Variants in EIF4B observed in about 807,000 individuals in gnomAD.
The protein encoded by EIF4B is eukaryotic translation initiation factor 4B.
EIF4B carries 8 observed loss-of-function variants against 79.3 expected under a neutral mutation model. The observed-to-expected ratio is 0.10, with a 90% confidence interval of 0.06 to 0.18. The LOEUF (loss-of-function observed/expected upper bound fraction) is 0.18, where lower values mean the gene tolerates loss of function less well. Ranked by LOEUF, EIF4B falls within the 10% of genes least tolerant of loss-of-function variation. The probability of loss-of-function intolerance (pLI) is 1.00; values close to 1 mark genes in which losing one functional copy is unlikely to be tolerated. For synonymous variants in EIF4B, 238 were observed against 274.7 expected, an observed-to-expected ratio of 0.87 and a Z score of 1.32; for missense variants, 515 against 792.4, an observed-to-expected ratio of 0.65 and a Z score of 4.20.
chr12:53,039,727 T>A, intron 14 of EIF4B, 25 bp downstream of exon 14: 1 of 1,600,368 alleles, frequency 6.2e-7, no homozygotes, highest in Non-Finnish European at 8.5e-7. Flanking sequence ...CTGCTCCCAA[T>A]TTTTCATTCT....
chr12:53,027,137 A>ATTTTTTTTTTTTTTTTTTTTTTTTT (rs71095967), intron 6 of EIF4B, among the ~76,000 whole-genome samples: 1 of 25,722 alleles, frequency 3.9e-5, no homozygotes, highest in African/African-American at 8.2e-5. Flanking sequence ...AAAAAAAAAA[A>ATTTTTTTTTTTTTTTTTTTTTTTTT]TTTTTTTTTT....
intron 8 of EIF4B, 135 bp from the exon 9 acceptor site, chr12:53,033,671 C>T: frequency 4.2e-6 from 4 of 946,210 alleles, no homozygotes; most frequent in Non-Finnish European, 4.7e-6. Flanking sequence ...GATCTATTTG[C>T]CTTCTGTGGA....
chr12:53,037,713 T>C, intron 11 of EIF4B, 91 bp downstream of exon 11: 1 of 1,353,536 alleles, frequency 7.4e-7, no homozygotes, highest in Non-Finnish European at 1.0e-6. Context: ...ATGCCAGCGT[T>C]GTATAGCACC....
chr12:53,038,471 A>G, intron 12 of EIF4B, 60 bp downstream of exon 12: 1 of 1,502,658 alleles, frequency 6.7e-7, no homozygotes, highest in South Asian at 1.3e-5. Context: ...AAAGGCCTCC[A>G]AAATTAGATT....
In EIF4B at chr12:53,040,235, C is replaced by T. The variant is rs1423602693; in HGVS notation, c.*12C>T. ...ATTATGCCGAATAGACCTCTACATC[C>T]TGTGCTTTTCTCCTAGTTTCTCTCC... On this transcript the variant is annotated 3_prime_UTR_variant, in exon 15 of 15. Transcript: ENST00000262056. 9 of 1,605,148 alleles carry T rather than the reference C, an allele frequency of 5.6e-6. No homozygotes were observed. Among genetic ancestry groups the T allele is most frequent in the Middle Eastern group, 3.6e-4 (2 of 5,512 alleles).
At chr12:53,034,835 G>A (rs554356173) in intron 10 of EIF4B, 126 bp downstream of exon 10, 19 of 1,003,390 alleles carry the variant, frequency 1.9e-5, no homozygotes, top group South Asian at 6.0e-5. Flanking sequence ...TGCATGGGCC[G>A]ATTGGAGTTT....
intron 12 of EIF4B, 92 bp downstream of exon 12, chr12:53,038,503 A>G: frequency 7.8e-7 from 1 of 1,275,262 alleles, no homozygotes; most frequent in South Asian, 1.5e-5. Flanking sequence ...TGTGTCTCGC[A>G]CCTGATACCG....
intron 10 of EIF4B, among the ~76,000 whole-genome samples, chr12:53,037,105 A>G (rs1943552660): frequency 6.6e-6 from 1 of 152,344 alleles, no homozygotes; most frequent in East Asian, 1.9e-4. Flanking sequence ...TCACATATGT[A>G]TATTCTCCAG....
chr12:53,022,314 G>T, intron 5 of EIF4B, 179 bp from the exon 6 acceptor site: 1 of 849,652 alleles, frequency 1.2e-6, no homozygotes, highest in South Asian at 1.4e-5. Context: ...GAAAAAACGG[G>T]AGGAAAAGAG....
chr12:53,022,061 A>G (rs945367005), intron 5 of EIF4B: 5 of 654,566 alleles, frequency 7.6e-6, no homozygotes, highest in Non-Finnish European at 1.3e-5. Context: ...AGTGCTGCTG[A>G]CATAAGTAGA....
intron 10 of EIF4B, 122 bp from the exon 11 acceptor site, chr12:53,037,287 G>T: frequency 9.7e-7 from 1 of 1,034,468 alleles, no homozygotes; most frequent in South Asian, 1.6e-5. Context: ...ACTGGTTTAG[G>T]GATAAATCCA....
At chr12:53,031,203 G>GT (rs1462501172) in intron 8 of EIF4B, among the ~76,000 whole-genome samples, 1 of 152,172 alleles carries the variant, frequency 6.6e-6, no homozygotes, top group East Asian at 1.9e-4. Flanking sequence ...GACCTGTCTA[G>GT]TTTCCCCATG....
At chr12:53,040,050 T>A (rs1488103055) in intron 14 of EIF4B, 93 bp from the exon 15 acceptor site, 2 of 1,400,612 alleles carry the variant, frequency 1.4e-6, no homozygotes, top group Non-Finnish European at 2.0e-6. Flanking sequence ...CTGACTGTCA[T>A]CCCCCATTGC....
Position 53,037,502 on chromosome 12 carries a change from C to G in EIF4B, c.1400C>G (p.Pro467Arg), listed in dbSNP as rs1390065808. 3.7e-6 allele frequency: 6 copies of G among 1,613,882 alleles called. No individual in the cohort carries two copies. The highest frequency in any genetic ancestry group is 5.1e-6 in the Non-Finnish European group (6 of 1,179,818). Reference protein sequence around the residue: ...CHSPTSKPPKPDQPLKVMPAP... With the variant: ...CHSPTSKPPKRDQPLKVMPAP... ...TCTCCAACTTCTAAACCTCCCAAAC[C>G]TGATCAGCCCCTAAAGGTAATGCCA... Residue 467 changes from proline (P) to arginine (R), a missense_variant, in exon 11 of 15, where the codon CCT becomes CGT. By Grantham distance (103) the Pro-to-Arg change is moderately radical. Around this residue, in one of 6 missense-constraint regions of EIF4B, gnomAD observed 146 missense variants for 228.0 expected, o/e 0.64. Coordinates refer to ENST00000262056, the MANE Select transcript of EIF4B (RefSeq NM_001417.7).
intron 6 of EIF4B, among the ~76,000 whole-genome samples, chr12:53,024,961 A>G (rs1022630261): frequency 3.3e-5 from 5 of 152,096 alleles, no homozygotes; most frequent in African/African-American, 9.7e-5. Flanking sequence ...CAGCACAAGC[A>G]TTTTAATTTT....
At chr12:53,029,740 CA>C (rs1256919054) in intron 8 of EIF4B, among the ~76,000 whole-genome samples, 4 of 152,140 alleles carry the variant, frequency 2.6e-5, no homozygotes, top group Non-Finnish European at 4.4e-5. Context: ...TTATATCCAT[CA>C]TCTCCTGTGA....
At chr12:53,040,086 G>C in intron 14 of EIF4B, 57 bp from the exon 15 acceptor site, 1 of 1,594,714 alleles carries the variant, frequency 6.3e-7, no homozygotes, top group Non-Finnish European at 8.6e-7. Context: ...CTGTGTCTTG[G>C]GTTTTGATGT....
chr12:53,034,590 A>T, intron 9 of EIF4B, 22 bp from the exon 10 acceptor site: 1 of 1,613,770 alleles, frequency 6.2e-7, no homozygotes. Flanking sequence ...CATAATGTGT[A>T]TTTTGTGAAT....
intron 11 of EIF4B, 124 bp downstream of exon 11, chr12:53,037,746 T>A: frequency 9.4e-7 from 1 of 1,062,668 alleles, no homozygotes; most frequent in South Asian, 1.6e-5. Context: ...CTGGCTTTAG[T>A]CTCTTAGTGT....
Sources: gnomAD v4.1 joint callset for allele counts (sites outside exome capture counted in the v4.1 genomes callset) on GRCh38, gnomAD v4.1.1 for gene constraint, gnomAD v4.1.1 regional missense constraint, MANE v1.5 for transcripts, NCBI Gene and HGNC (gene_info 2026-07-23, HGNC 2026-07-21) for gene names.